HCN4: variants seen among roughly 807,000 people sequenced by gnomAD.
The protein encoded by HCN4 is hyperpolarization activated cyclic nucleotide gated potassium channel 4, also known as potassium/sodium hyperpolarization-activated cyclic nucleotide-gated channel 4.
In HCN4, 29 loss-of-function variants were observed where a neutral mutation model predicts 76.9. That is an observed-to-expected ratio of 0.38 (90% CI 0.28 to 0.51). The LOEUF (loss-of-function observed/expected upper bound fraction) is 0.51, where lower values mean the gene tolerates loss of function less well. HCN4 is among the 20% of genes least tolerant of loss of function. HCN4 has a pLI of 0.90. For synonymous variants in HCN4, 772 were observed against 762.5 expected, an observed-to-expected ratio of 1.01 and a Z score of -0.21; for missense variants, 1,416 against 1,715.2, an observed-to-expected ratio of 0.83 and a Z score of 3.08.
At chr15:73,344,014 C>A (rs1483882588) in intron 1 of HCN4, among the ~76,000 whole-genome samples, 1 of 152,174 alleles carries the variant, frequency 6.6e-6, no homozygotes, top group Non-Finnish European at 1.5e-5. Context: ...ACTAAGGATA[C>A]CCTCCGTGCT....
In HCN4 at chr15:73,322,630, TC is replaced by T; in HGVS notation, c.3462del (p.Lys1155ArgfsTer26). 1 of 1,611,530 alleles carries T rather than the reference TC, an allele frequency of 6.2e-7. No individual in the cohort carries two copies. Among genetic ancestry groups the T allele is most frequent in the Non-Finnish European group, 8.5e-7 (1 of 1,179,328 alleles). Reference sequence around the variant, plus strand: ...GGTGGCAAAGAACCTGAGGATGTCTTCCGAGGCAGAGTGACGTGCTGGCCGG... The same window carrying T: ...GGTGGCAAAGAACCTGAGGATGTCTTCGAGGCAGAGTGACGTGCTGGCCGG... ...AIPGQHVTLP[R>X]KTSSGSLPPP... On this transcript the variant is annotated frameshift_variant, in exon 8 of 8. Coordinates refer to ENST00000261917, the MANE Select transcript of HCN4 (RefSeq NM_005477.3). LOFTEE classifies it high-confidence loss of function.
chr15:73,360,462 G>C (rs2151226102), intron 1 of HCN4, among the ~76,000 whole-genome samples: 1 of 152,288 alleles, frequency 6.6e-6, no homozygotes, highest in East Asian at 1.9e-4. Flanking sequence ...TCCATTTTCT[G>C]TGCCTGCTGA....
chr15:73,356,187 TG>T lies in HCN4; in HGVS notation c.785+11298del, dbSNP rs1432450548. On this transcript the variant is annotated intron_variant, in intron 1 of 7. Transcript: ENST00000261917. ...TTTGGGGCAGAACGTCTTTGTTTTT[TG>T]CTTTTTTTTTTTTTTTGAGATAGGG... Among the ~76,000 whole-genome samples, 384 of 134,172 alleles carry T rather than the reference TG, an allele frequency of 2.9e-3. 3 individuals carry two copies. Among genetic ancestry groups the T allele is most frequent in the African/African-American group, 0.011 (335 of 31,804 alleles). The allele number at this position is 134,172 out of a possible 152,430, so 88.0% of individuals were successfully genotyped here.
At position 73,368,001 on chromosome 15, in the gene HCN4, G is replaced by T; in HGVS notation, c.270C>A (p.Asn90Lys). The change falls in exon 1 of 8, where the codon AAC (asparagine) becomes AAA (lysine). Residue 90 changes from asparagine to lysine, a missense_variant. Physicochemically the swap from Asn to Lys is moderately conservative, Grantham distance 94. Around this residue, in one of 6 missense-constraint regions of HCN4, gnomAD observed 355 missense variants for 347.8 expected, o/e 1.02. Coordinates refer to ENST00000261917, the MANE Select transcript of HCN4 (RefSeq NM_005477.3). This position sits in a 1 kb window ranked among gnomAD's most constrained non-coding sequence, Gnocchi z 6.9. ...PARGAGKSST[N>K]GDCRRFRGSL... ...TCCCGCGGAAGCGCCTGCAGTCGCC[G>T]TTCGTGCTGGACTTGCCCGCGCCGC... 2.2e-6 allele frequency: 3 copies of T among 1,374,928 alleles called. No individual in the cohort carries two copies. Among genetic ancestry groups the T allele is most frequent in the Non-Finnish European group, 1.9e-6 (2 of 1,070,414 alleles). The allele number at this position is 1,374,928 out of a possible 1,614,324, so 85.2% of individuals were successfully genotyped here.
At chr15:73,352,897 G>A (rs2043061011) in intron 1 of HCN4, among the ~76,000 whole-genome samples, 1 of 152,208 alleles carries the variant, frequency 6.6e-6, no homozygotes, top group Non-Finnish European at 1.5e-5. Flanking sequence ...AGCTCCCCAA[G>A]GGCAGAAATG....
rs2043139568 is a variant in HCN4, at chr15:73,368,228, G to A, written c.43C>T (p.Leu15Phe). 1.3e-6 allele frequency: 2 copies of A among 1,525,074 alleles called. No homozygotes were observed. Among genetic ancestry groups the A allele is most frequent in the South Asian group, 2.4e-5 (2 of 82,122 alleles). The allele number at this position is 1,525,074 out of a possible 1,614,324, so 94.5% of individuals were successfully genotyped here. A position where few individuals can be genotyped will look rare whatever the true frequency, so the allele number is the denominator to read the frequency against. ...PPSMRKRLYS[L>F]PQQVGAKAWI... is the part of the protein sequence containing the mutation. ...GCCTTGGCCCCCACCTGCTGCGGGA[G>A]GCTGTAGAGCCGCTTGCGCATGGAC... The change falls in exon 1 of 8, where the codon CTC (leucine) becomes TTC (phenylalanine). Residue 15 changes from leucine (L) to phenylalanine (F), a missense_variant. Transcript: ENST00000261917. The surrounding 1 kb of genome is among the most constrained non-coding windows in gnomAD (Gnocchi z 6.9).
Position 73,322,298 on chromosome 15 carries a change from A to G in HCN4, c.*183T>C, listed in dbSNP as rs2042863874. The G allele has an allele frequency of 1.6e-6, 1 of 612,360 alleles. No individual in the cohort carries two copies. The highest frequency in any genetic ancestry group is 2.9e-6 in the Non-Finnish European group (1 of 339,462). 37.9% of individuals were successfully genotyped at this position (612,360 alleles called of 1,614,324 possible). On this transcript the variant is annotated 3_prime_UTR_variant, in exon 8 of 8. Transcript: ENST00000261917. ...GAGTATTAAAATAGTCTATAAAAGC[A>G]AGTGACCAAAAATCTATAGCTCTAA...
At position 73,323,579 on chromosome 15, in the gene HCN4, G is replaced by A. The variant is rs760510211; in HGVS notation, c.2514C>T (p.Gly838=). ...RLQSLIPSAL[G]SASPASSPSQ... is the part of the protein sequence containing the mutation. ...ACGGGCTGCTGGCGGGCGAGGCGGA[G>A]CCCAGCGCAGAAGGGATCAGGGACT... Residue 838 remains glycine (G), a synonymous_variant, in exon 8 of 8, where the codon GGC becomes GGT. Transcript: ENST00000261917. The A allele has an allele frequency of 6.2e-7, 1 of 1,601,024 alleles. No individual in the cohort carries two copies. Among genetic ancestry groups the A allele is most frequent in the Admixed American group, 1.7e-5 (1 of 60,010 alleles).
At chr15:73,362,124 C>T (rs2043107583) in intron 1 of HCN4, among the ~76,000 whole-genome samples, 1 of 152,212 alleles carries the variant, frequency 6.6e-6, no homozygotes, top group Admixed American at 6.5e-5. Flanking sequence ...GCATGCGGGA[C>T]CAGCAGCGTC....
In HCN4 at chr15:73,322,637, CAG is replaced by C; in HGVS notation, c.3454_3455del (p.Leu1152AlafsTer41). ...AAGAACCTGAGGATGTCTTCCGAGG[CAG>C]AGTGACGTGCTGGCCGGGGATGGCA... ...YGAIPGQHVTLPRKTSSGSLP... is the reference protein window; with the variant it reads ...YGAIPGQHVTXPRKTSSGSLP... On this transcript the variant is annotated frameshift_variant, in exon 8 of 8. Coordinates refer to ENST00000261917, the MANE Select transcript of HCN4 (RefSeq NM_005477.3). LOFTEE classifies it high-confidence loss of function. 1 of 1,611,132 alleles carries C rather than the reference CAG, an allele frequency of 6.2e-7. No individual in the cohort carries two copies.
At position 73,321,959 on chromosome 15, in the gene HCN4, C is replaced by T. The variant is rs1211501197; in HGVS notation, c.*522G>A. ...ACATATTCATATACAGATCTTGCTACGTTTACAGTAGAAAAAATGCTAGGC... is the reference window on the plus strand; with the variant it reads ...ACATATTCATATACAGATCTTGCTATGTTTACAGTAGAAAAAATGCTAGGC... On this transcript the variant is annotated 3_prime_UTR_variant, in exon 8 of 8. Coordinates refer to ENST00000261917, the MANE Select transcript of HCN4 (RefSeq NM_005477.3). 1.6e-5 allele frequency: 3 copies of T among 185,594 alleles called. No homozygotes were observed. Among genetic ancestry groups the T allele is most frequent in the East Asian group, 1.4e-4 (1 of 7,172 alleles). The allele number at this position is 185,594 out of a possible 1,614,324, so 11.5% of individuals were successfully genotyped here.
intron 1 of HCN4, among the ~76,000 whole-genome samples, chr15:73,345,038 T>C (rs1338825591): frequency 6.6e-6 from 1 of 152,234 alleles, no homozygotes; most frequent in Admixed American, 6.5e-5. Context: ...TTCCACCATC[T>C]TTGATTCTTT....
Position 73,322,811 on chromosome 15 carries a change from A to G in HCN4, c.3282T>C (p.Pro1094=). ...KLISASQPAL[P]QDGAQTLRRA... ...TGCGGAGAGTCTGCGCCCCGTCCTG[A>G]GGCAGGGCTGGCTGAGACGCGGAGA... Residue 1094 remains proline (P), a synonymous_variant, in exon 8 of 8, where the codon CCT becomes CCC. Transcript: ENST00000261917. 4.6e-6 allele frequency: 7 copies of G among 1,535,520 alleles called. No homozygotes were observed. The highest frequency in any genetic ancestry group is 6.1e-6 in the Non-Finnish European group (7 of 1,141,584).
Position 73,329,644 on chromosome 15 carries a change from C to T in HCN4, c.1519G>A (p.Ala507Thr), listed in dbSNP as rs2042921019. ...GCAGTGGCGTGGCCAATGAACATGG[C>T]GTAGCAGGTGGCACCCACGATCATG... ...LSMIVGATCY[A>T]MFIGHATALI... Residue 507 changes from alanine (A) to threonine (T), a missense_variant, in exon 4 of 8, where the codon GCC (alanine) becomes ACC (threonine). Physicochemically the swap from Ala to Thr is moderately conservative, Grantham distance 58. Transcript: ENST00000261917. 1.9e-6 allele frequency: 3 copies of T among 1,614,184 alleles called. No individual in the cohort carries two copies. Among genetic ancestry groups the T allele is most frequent in the Non-Finnish European group, 2.5e-6 (3 of 1,180,006 alleles).
intron 1 of HCN4, among the ~76,000 whole-genome samples, chr15:73,366,187 G>A (rs140474479): frequency 2.0e-5 from 3 of 152,160 alleles, no homozygotes; most frequent in East Asian, 1.9e-4. Flanking sequence ...AGGAAAAAAG[G>A]GGGGAGGGGC....
intron 1 of HCN4, among the ~76,000 whole-genome samples, chr15:73,354,649 T>C (rs925418017): frequency 1.3e-5 from 2 of 152,206 alleles, no homozygotes; most frequent in East Asian, 1.9e-4. Flanking sequence ...TGTTTTCTAA[T>C]GTGCAGGATG....
At chr15:73,366,497 C>A (rs1006449655) in intron 1 of HCN4, among the ~76,000 whole-genome samples, 8 of 152,196 alleles carry the variant, frequency 5.3e-5, no homozygotes, top group African/African-American at 1.9e-4. Flanking sequence ...CACGAAAGCC[C>A]AGAGGGGCAC....
chr15:73,364,981 G>A (rs533442431), intron 1 of HCN4, among the ~76,000 whole-genome samples: 67 of 152,282 alleles, frequency 4.4e-4, no homozygotes, highest in African/African-American at 1.3e-3. Flanking sequence ...CTTCCTGCCC[G>A]TCAAAATGAT....
intron 2 of HCN4, among the ~76,000 whole-genome samples, chr15:73,339,072 C>A (rs953731170): frequency 2.0e-5 from 3 of 152,244 alleles, no homozygotes; most frequent in Non-Finnish European, 4.4e-5. Flanking sequence ...CCACTTCAGG[C>A]TGCCAAGGGA....
Sources: allele counts gnomAD v4.1 joint callset (sites outside exome capture counted in the v4.1 genomes callset), GRCh38; gene constraint gnomAD v4.1.1; regional missense constraint gnomAD v4.1.1; non-coding constraint Gnocchi (gnomAD v3.1); transcripts MANE v1.5; gene names NCBI Gene and HGNC (gene_info 2026-07-23, HGNC 2026-07-21).